FNDC9: variants seen among roughly 807,000 people sequenced by gnomAD.
FNDC9 encodes the protein fibronectin type III domain-containing protein 9.
In FNDC9, 3 loss-of-function variants were observed where a neutral mutation model predicts 9.0. The observed-to-expected ratio is 0.33, with a 90% CI of 0.15 to 0.86. The LOEUF (loss-of-function observed/expected upper bound fraction) is 0.86, where lower values mean the gene tolerates loss of function less well. Among genes scored for constraint, FNDC9 ranks in the 40% least tolerant of loss-of-function variants. FNDC9 has a pLI of 0.53. For missense variants in FNDC9, 279 were observed against 287.2 expected, an observed-to-expected ratio of 0.97 and a Z score of 0.21; for synonymous variants, 114 against 115.6, an observed-to-expected ratio of 0.99 and a Z score of 0.09.
In FNDC9 at chr5:157,343,019, TCCTC is replaced by T; in HGVS notation, c.514_517del (p.Glu172LysfsTer63). 1 of 1,614,176 alleles carries T rather than the reference TCCTC, an allele frequency of 6.2e-7. No homozygotes were observed. The highest frequency in any genetic ancestry group is 8.5e-7 in the Non-Finnish European group (1 of 1,180,028). On this transcript the variant is annotated frameshift_variant, in exon 2 of 2. Transcript: ENST00000312349. LOFTEE classifies it low-confidence loss of function (END_TRUNC). ...CACCAGGGGGAGCCCCTGCAGGTCTTCCTCCCTCTGACCAAGATCCGGGGCCTCC... is the reference window on the plus strand; with the variant it reads ...CACCAGGGGGAGCCCCTGCAGGTCTTCCTCTGACCAAGATCCGGGGCCTCC...
Position 157,342,904 on chromosome 5 carries a change from C to T in FNDC9, c.633G>A (p.Gly211=). 6.2e-7 allele frequency: 1 copy of T among 1,614,066 alleles called. No individual in the cohort carries two copies. Among genetic ancestry groups the T allele is most frequent in the South Asian group, 1.1e-5 (1 of 91,064 alleles). The part of the protein sequence containing the change: ...DAPDAGALQR[G]GGDPPAILPH... ...GCAGTATAGCGGGTGGGTCACCACC[C>T]CCCCTCTGTAAGGCACCCGCATCAG... The change falls in exon 2 of 2, where the codon GGG becomes GGA. Residue 211 remains glycine, a synonymous_variant. Transcript: ENST00000312349.
In FNDC9 at chr5:157,343,668, G is replaced by T. The variant is rs1320284781; in HGVS notation, c.-7-125C>A. Reference sequence around the variant, plus strand: ...ATGTTGCCCTCATCTTACAGACAAAGAAATGGAGGCCGAGAGGTTCTGTTA... The same window carrying T: ...ATGTTGCCCTCATCTTACAGACAAATAAATGGAGGCCGAGAGGTTCTGTTA... On this transcript the variant is annotated intron_variant, in intron 1 of 1. Transcript: ENST00000312349. The T allele has an allele frequency of 1.0e-5, 8 of 788,288 alleles. No homozygotes were observed. In the African/African-American group the frequency reaches 1.2e-4, roughly 12 times the overall value. 48.8% of individuals were successfully genotyped at this position (788,288 alleles called of 1,614,324 possible).
At position 157,342,905 on chromosome 5, in the gene FNDC9, C is replaced by G. The variant is rs762802394; in HGVS notation, c.632G>C (p.Gly211Ala). 6.2e-6 allele frequency: 10 copies of G among 1,613,962 alleles called. No individual in the cohort carries two copies. The highest frequency in any genetic ancestry group is 4.5e-5 in the East Asian group (2 of 44,884). The change falls in exon 2 of 2, where the codon GGG becomes GCG. Residue 211 changes from glycine to alanine, a missense_variant. Coordinates refer to ENST00000312349, the MANE Select transcript of FNDC9 (RefSeq NM_001001343.4). The part of the protein sequence containing the change: ...DAPDAGALQR[G>A]GGDPPAILPH... Reference sequence around the variant, plus strand: ...CAGTATAGCGGGTGGGTCACCACCCCCCCTCTGTAAGGCACCCGCATCAGG... The same window carrying G: ...CAGTATAGCGGGTGGGTCACCACCCGCCCTCTGTAAGGCACCCGCATCAGG...
Position 157,343,467 on chromosome 5 carries a change from G to A in FNDC9, c.70C>T (p.Leu24=). The change falls in exon 2 of 2, where the codon CTG becomes TTG. Residue 24 remains leucine (L), a synonymous_variant. Transcript: ENST00000312349. Reference sequence around the variant, plus strand: ...TACATAATATGGTAATAGTCCTCCAGGCAGGGCTCCGAGGACGACCAGGAG... The same window carrying A: ...TACATAATATGGTAATAGTCCTCCAAGCAGGGCTCCGAGGACGACCAGGAG... ...IISWSSSEPC[L]EDYYHIMYRP... The A allele has an allele frequency of 6.2e-7, 1 of 1,609,366 alleles. No individual in the cohort carries two copies. The highest frequency in any genetic ancestry group is 8.5e-7 in the Non-Finnish European group (1 of 1,175,956).
intron 1 of FNDC9, 55 bp from the exon 2 acceptor site, chr5:157,343,598 T>C: frequency 2.2e-6 from 3 of 1,348,502 alleles, no homozygotes; most frequent in Non-Finnish European, 3.0e-6. Flanking sequence ...TATGTATTTA[T>C]CATAATCATA....
Position 157,343,403 on chromosome 5 carries a change from C to G in FNDC9, c.134G>C (p.Arg45Pro), listed in dbSNP as rs764749971. Residue 45 changes from arginine to proline, a missense_variant, in exon 2 of 2, where the codon CGC (arginine) becomes CCC (proline). Arg to Pro is a moderately radical substitution (Grantham distance 103). Coordinates refer to ENST00000312349, the MANE Select transcript of FNDC9 (RefSeq NM_001001343.4). ...CTTCTCCTCGTGGTGGAAGCTGTAG[C>G]GAAGATAGCCAGAGAAGATGCTGTT... is the stretch of plus-strand genomic sequence containing the variant. ...NWNSIFSGYL[R>P]YSFHHEEKVP... 6.2e-7 allele frequency: 1 copy of G among 1,614,078 alleles called. No individual in the cohort carries two copies. Among genetic ancestry groups the G allele is most frequent in the Admixed American group, 1.7e-5 (1 of 60,016 alleles).
At chr5:157,344,675 G>A (rs547302790) in intron 1 of FNDC9, among the ~76,000 whole-genome samples, 33 of 152,246 alleles carry the variant, frequency 2.2e-4, no homozygotes, top group African/African-American at 7.9e-4. Flanking sequence ...GTCAGCCTAC[G>A]CATATTCACA....
At position 157,343,074 on chromosome 5, in the gene FNDC9, C is replaced by T. The variant is rs1359367900; in HGVS notation, c.463G>A (p.Ala155Thr). The T allele has an allele frequency of 6.2e-7, 1 of 1,613,806 alleles. No homozygotes were observed. Among genetic ancestry groups the T allele is most frequent in the Admixed American group, 1.7e-5 (1 of 60,024 alleles). ...TCTGGCCATCTCACCAACCCATTGG[C>T]CTCCTCCATGTGGCCAGCCCTGTAA... ...WSYRAGHMEE[A>T]NGLVRWPEEA... is the part of the protein sequence containing the mutation. The change falls in exon 2 of 2, where the codon GCC (alanine) becomes ACC (threonine). Residue 155 changes from alanine (A) to threonine (T), a missense_variant. Coordinates refer to ENST00000312349, the MANE Select transcript of FNDC9 (RefSeq NM_001001343.4).
intron 1 of FNDC9, among the ~76,000 whole-genome samples, chr5:157,343,846 G>T (rs1252137699): frequency 6.6e-6 from 1 of 151,906 alleles, no homozygotes; most frequent in African/African-American, 2.4e-5. Flanking sequence ...TTTCTTAAGG[G>T]GATTGTTCTC....
In FNDC9 at chr5:157,342,892, T is replaced by C. The variant is rs779437169; in HGVS notation, c.645A>G (p.Pro215=). 2 of 1,613,646 alleles carry C rather than the reference T, an allele frequency of 1.2e-6. No individual in the cohort carries two copies. The highest frequency in any genetic ancestry group is 1.7e-5 in the Admixed American group (1 of 59,956). The part of the protein sequence containing the change: ...AGALQRGGGD[P]PAILPHCGE ...CCCCACAATGAGGCAGTATAGCGGG[T>C]GGGTCACCACCCCCCCTCTGTAAGG... Residue 215 remains proline (P), a synonymous_variant, in exon 2 of 2, where the codon CCA becomes CCG. Transcript: ENST00000312349.
intron 1 of FNDC9, among the ~76,000 whole-genome samples, chr5:157,344,143 T>C (rs539210237): frequency 6.6e-6 from 1 of 152,334 alleles, no homozygotes; most frequent in East Asian, 1.9e-4. Context: ...TTTTGTTTGT[T>C]TGTTTTTTCA....
chr5:157,342,912 G>C lies in FNDC9; in HGVS notation c.625C>G (p.Gln209Glu). ...NQDAPDAGAL[Q>E]RGGGDPPAIL... is the part of the protein sequence containing the mutation. ...GCGGGTGGGTCACCACCCCCCCTCT[G>C]TAAGGCACCCGCATCAGGGGCATCC... The change falls in exon 2 of 2, where the codon CAG (glutamine) becomes GAG (glutamate). Residue 209 changes from glutamine to glutamate, a missense_variant. By Grantham distance (29) the Gln-to-Glu change is conservative (BLOSUM62 2). Transcript: ENST00000312349. 1.2e-6 allele frequency: 2 copies of C among 1,614,146 alleles called. No homozygotes were observed. The highest frequency in any genetic ancestry group is 1.7e-6 in the Non-Finnish European group (2 of 1,179,988).
rs36021229 is a variant in FNDC9, at chr5:157,343,265, A to T, written c.272T>A (p.Met91Lys). 2 of 1,614,072 alleles carry T rather than the reference A, an allele frequency of 1.2e-6. No individual in the cohort carries two copies. Among genetic ancestry groups the T allele is most frequent in the African/African-American group, 2.7e-5 (2 of 74,936 alleles). ...AAFPYRHYCT[M>K]FHTLDKSPLA... The stretch of plus-strand genomic sequence containing the variant: ...CGGACTCTTATCCAGGGTGTGGAAC[A>T]TGGTGCAGTAGTGCCTGTAAGGGAA... Residue 91 changes from methionine (M) to lysine (K), a missense_variant, in exon 2 of 2, where the codon ATG becomes AAG. Met to Lys is a moderately conservative substitution (Grantham distance 95). Transcript: ENST00000312349.
rs1266962945 is a variant in FNDC9, at chr5:157,343,005, G to T, written c.532C>A (p.Leu178Ile). ...LGQREEDLQG[L>I]PLVEMPRKNS... ...TTGCGTGGCATTTCCACCAGGGGGA[G>T]CCCCTGCAGGTCTTCCTCCCTCTGA... The change falls in exon 2 of 2, where the codon CTC becomes ATC. Residue 178 changes from leucine to isoleucine, a missense_variant. Leu to Ile is a conservative substitution (Grantham distance 5). Transcript: ENST00000312349. 6.2e-7 allele frequency: 1 copy of T among 1,614,220 alleles called. No homozygotes were observed. Among genetic ancestry groups the T allele is most frequent in the South Asian group, 1.1e-5 (1 of 91,090 alleles).
chr5:157,342,833 A>G lies in FNDC9; in HGVS notation c.*29T>C, dbSNP rs73815845. On this transcript the variant is annotated 3_prime_UTR_variant, in exon 2 of 2. Coordinates refer to ENST00000312349, the MANE Select transcript of FNDC9 (RefSeq NM_001001343.4). ...CCTACTGTGTGGAAAGCTTTAGGCT[A>G]CATGATGCGGGCGCTCTCCTCCCCA... The G allele has an allele frequency of 2.1e-3, 3,249 of 1,583,980 alleles. 68 individuals are homozygous for G. In the African/African-American group the frequency reaches 0.038, roughly 18 times the overall value.
chr5:157,344,574 G>C (rs35669629), intron 1 of FNDC9, among the ~76,000 whole-genome samples: 713 of 152,294 alleles, frequency 4.7e-3, no homozygotes, highest in Non-Finnish European at 7.4e-3. Flanking sequence ...GCCCCGCTTT[G>C]ATAAGAGAGA....
In FNDC9 at chr5:157,342,908, CT is replaced by C. The variant is rs778842992; in HGVS notation, c.628del (p.Arg210GlyfsTer26). On this transcript the variant is annotated frameshift_variant, in exon 2 of 2. Transcript: ENST00000312349. LOFTEE classifies it low-confidence loss of function (END_TRUNC). Reference protein sequence around the residue: ...QDAPDAGALQRGGGDPPAILP... With the variant: ...QDAPDAGALQXGGGDPPAILP... ...TATAGCGGGTGGGTCACCACCCCCC[CT>C]CTGTAAGGCACCCGCATCAGGGGCA... 2.4e-5 allele frequency: 38 copies of C among 1,614,012 alleles called. No individual in the cohort carries two copies. Among genetic ancestry groups the C allele is most frequent in the Non-Finnish European group, 3.0e-5 (35 of 1,179,984 alleles).
At chr5:157,343,635 G>A (rs1021353560) in intron 1 of FNDC9, 92 bp from the exon 2 acceptor site, 32 of 1,007,816 alleles carry the variant, frequency 3.2e-5, no homozygotes, top group Middle Eastern at 4.7e-4. Flanking sequence ...CATTTGAGAC[G>A]GGCACTCATG....
Position 157,342,520 on chromosome 5 carries a change from T to TG in FNDC9, c.*341_*342insC, listed in dbSNP as rs1161167640. The TG allele has an allele frequency of 1.9e-5, 3 of 159,302 alleles. No homozygotes were observed. The highest frequency in any genetic ancestry group is 3.5e-5 in the Non-Finnish European group (3 of 84,794). The allele number at this position is 159,302 out of a possible 1,614,324, so 9.9% of individuals were successfully genotyped here. On this transcript the variant is annotated 3_prime_UTR_variant, in exon 2 of 2. Transcript: ENST00000312349. ...GAGAGCCTACTTGTAACTCAAGTGT[T>TG]TCCTTCAAGTGCTGTGTTTTATTTG...
Sources: gnomAD v4.1 joint callset for allele counts (sites outside exome capture counted in the v4.1 genomes callset) on GRCh38, gnomAD v4.1.1 for gene constraint, MANE v1.5 for transcripts, NCBI Gene and HGNC (gene_info 2026-07-23, HGNC 2026-07-21) for gene names.